Variants in SLC35D4 observed in about 807,000 individuals in gnomAD.
SLC35D4 encodes UDP-N-acetylglucosamine transporter SLC35D4.
At chr18:23,286,839 T>C in the SLC35D4 span, among the ~76,000 whole-genome samples, 9 of 152,254 alleles carry the variant, frequency 5.9e-5, no homozygotes, top group South Asian at 1.7e-3. Flanking sequence ...AACTAAATTA[T>C]CTGCTTCCCT....
the SLC35D4 span, among the ~76,000 whole-genome samples, chr18:23,423,388 C>T: frequency 6.6e-6 from 1 of 152,256 alleles, no homozygotes; most frequent in South Asian, 2.1e-4. Flanking sequence ...CAATCTTCCC[C>T]TCCAGGGGGC....
the SLC35D4 span, among the ~76,000 whole-genome samples, chr18:23,242,704 C>T: frequency 4.0e-5 from 6 of 149,994 alleles, no homozygotes; most frequent in South Asian, 2.1e-4. Context: ...AAAAGAAAAC[C>T]GACTAACATT....
the SLC35D4 span, among the ~76,000 whole-genome samples, chr18:23,411,886 G>T: frequency 6.6e-6 from 1 of 152,310 alleles, no homozygotes; most frequent in East Asian, 1.9e-4. Context: ...ATGCATTATT[G>T]AGAGAACATC....
At chr18:23,372,866 C>G in the SLC35D4 span, among the ~76,000 whole-genome samples, 19 of 151,466 alleles carry the variant, frequency 1.3e-4, no homozygotes, top group Admixed American at 1.2e-3. Context: ...CAGTGCCTGA[C>G]ACGTGGTGGG....
At chr18:23,276,432 G>GTTT in the SLC35D4 span, among the ~76,000 whole-genome samples, 34 of 138,892 alleles carry the variant, frequency 2.4e-4, no homozygotes, top group African/African-American at 3.2e-4. Flanking sequence ...CCAGAATTTT[G>GTTT]TTTTTTTTTT....
At chr18:23,275,617 CTGTGCT>C in the SLC35D4 span, among the ~76,000 whole-genome samples, 1 of 141,488 alleles carries the variant, frequency 7.1e-6, no homozygotes, top group African/African-American at 2.6e-5. Flanking sequence ...CTGTGCTGTG[CTGTGCT>C]GTGCTGTGCT....
chr18:23,353,126 T>TGA, the SLC35D4 span, among the ~76,000 whole-genome samples: 29 of 149,392 alleles, frequency 1.9e-4, no homozygotes, highest in South Asian at 8.5e-4. Context: ...TGTGTGTATG[T>TGA]GAGAGAGAGA....
At chr18:23,421,677 T>TA in the SLC35D4 span, among the ~76,000 whole-genome samples, 1 of 148,718 alleles carries the variant, frequency 6.7e-6, no homozygotes, top group African/African-American at 2.5e-5. Context: ...TTCTCCTCTT[T>TA]TTTTTTTTTT....
At chr18:23,259,084 C>CTGTT in the SLC35D4 span, 2 of 151,892 alleles carry the variant, frequency 1.3e-5, 1 homozygote, top group South Asian at 4.2e-4. Flanking sequence ...AGGGCACTTG[C>CTGTT]TGTTTATAAA....
the SLC35D4 span, among the ~76,000 whole-genome samples, chr18:23,418,219 C>T: frequency 6.6e-6 from 1 of 152,116 alleles, no homozygotes; most frequent in African/African-American, 2.4e-5. Context: ...AATATTCCTT[C>T]TGAATATGGA....
the SLC35D4 span, among the ~76,000 whole-genome samples, chr18:23,329,970 T>A: frequency 4.6e-5 from 7 of 152,084 alleles, no homozygotes; most frequent in Non-Finnish European, 1.0e-4. Flanking sequence ...AAACACAACA[T>A]GTTTTCTCTC....
the SLC35D4 span, among the ~76,000 whole-genome samples, chr18:23,291,618 C>G: frequency 6.6e-6 from 1 of 151,930 alleles, no homozygotes; most frequent in Admixed American, 6.6e-5. Context: ...TGGGGCCTGT[C>G]TCCTGGAGCA....
At chr18:23,428,058 C>T in the SLC35D4 span, among the ~76,000 whole-genome samples, 1,030 of 152,102 alleles carry the variant, frequency 6.8e-3, 6 homozygotes, top group Admixed American at 0.012. Context: ...TTAGGAGATA[C>T]ACCTAATGTA....
At chr18:23,339,770 C>T in the SLC35D4 span, among the ~76,000 whole-genome samples, 1 of 152,180 alleles carries the variant, frequency 6.6e-6, no homozygotes, top group African/African-American at 2.4e-5. Context: ...CACTTTCTCA[C>T]GGCATCCTCA....
At chr18:23,335,679 G>C in the SLC35D4 span, among the ~76,000 whole-genome samples, 1 of 152,148 alleles carries the variant, frequency 6.6e-6, no homozygotes, top group Admixed American at 6.5e-5. Context: ...GTGCAAAGGT[G>C]TGCAGAATAA....
chr18:23,437,867 C>G, the SLC35D4 span: 1 of 1,609,734 alleles, frequency 6.2e-7, no homozygotes, highest in Admixed American at 1.7e-5. Flanking sequence ...CAACTCGTCC[C>G]CTTCTCGGGG....
the SLC35D4 span, among the ~76,000 whole-genome samples, chr18:23,419,964 ATACATGTACAG>A: frequency 1.3e-5 from 2 of 152,200 alleles, no homozygotes; most frequent in South Asian, 4.1e-4. Context: ...ATATACATAT[ATACATGTACAG>A]TACATCAAGA....
chr18:23,273,454 A>G, the SLC35D4 span, among the ~76,000 whole-genome samples: 1 of 151,410 alleles, frequency 6.6e-6, no homozygotes, highest in Non-Finnish European at 1.5e-5. Flanking sequence ...GCAAAAAGAG[A>G]AAGGGAGTTT....
chr18:23,246,671 T>TGGCG, the SLC35D4 span, among the ~76,000 whole-genome samples: 1 of 151,578 alleles, frequency 6.6e-6, no homozygotes, highest in Non-Finnish European at 1.5e-5. Flanking sequence ...GATTATATGC[T>TGGCG]TGAGCCACCG....
Sources: allele counts gnomAD v4.1 joint callset (sites outside exome capture counted in the v4.1 genomes callset), GRCh38; gene constraint gnomAD v4.1.1; transcripts MANE v1.5; gene names NCBI Gene and HGNC (gene_info 2026-07-23, HGNC 2026-07-21).